ANO10: variants seen among roughly 807,000 people sequenced by gnomAD.
ANO10 encodes anoctamin-10.
ANO10 carries 77 observed loss-of-function variants against 74.7 expected under a neutral mutation model. The ratio of observed to expected loss-of-function variants is 1.03; its 90% CI spans 0.86 to 1.25. The LOEUF (loss-of-function observed/expected upper bound fraction) is 1.25. Among genes scored for constraint, ANO10 ranks in the 50% most tolerant of loss-of-function variants. ANO10 has a pLI of 0.00. For missense variants in ANO10, 721 were observed against 778.1 expected, an observed-to-expected ratio of 0.93 and a Z score of 0.87; for synonymous variants, 279 against 284.9, an observed-to-expected ratio of 0.98 and a Z score of 0.21.
At chr3:43,594,940 G>T (rs187549857) in intron 4 of ANO10, among the ~76,000 whole-genome samples, 1 of 152,116 alleles carries the variant, frequency 6.6e-6, no homozygotes, top group African/African-American at 2.4e-5. Context: ...TATCACCACC[G>T]ATCCCACAGA....
At chr3:43,625,879 C>T (rs914520734), upstream of ANO10, among the ~76,000 whole-genome samples, 1 of 151,494 alleles carries the variant, frequency 6.6e-6, no homozygotes, top group African/African-American at 2.4e-5. Context: ...TCTTTTACTA[C>T]GTACTACTTC....
At chr3:43,545,522 T>A (rs2079150749) in intron 11 of ANO10, among the ~76,000 whole-genome samples, 1 of 152,066 alleles carries the variant, frequency 6.6e-6, no homozygotes, top group Admixed American at 6.5e-5. Context: ...CGCACCACCA[T>A]GCCCGGCTAA....
At chr3:43,485,239 C>CAT (rs1485549007) in intron 11 of ANO10, 13 of 648,214 alleles carry the variant, frequency 2.0e-5, no homozygotes, top group Admixed American at 9.3e-5. Flanking sequence ...CTCCGGGAGT[C>CAT]ATAGTGAGAG....
At chr3:43,460,881 G>A (rs2075347669) in intron 11 of ANO10, among the ~76,000 whole-genome samples, 2 of 151,760 alleles carry the variant, frequency 1.3e-5, no homozygotes, top group Non-Finnish European at 2.9e-5. Context: ...ACAATTGAAA[G>A]CCAGAAAGAG....
intron 11 of ANO10, among the ~76,000 whole-genome samples, chr3:43,483,858 T>C (rs1195118707): frequency 6.6e-6 from 1 of 152,158 alleles, no homozygotes; most frequent in Non-Finnish European, 1.5e-5. Context: ...TGATTAGCAA[T>C]TGGTTGAAAG....
intron 1 of ANO10, among the ~76,000 whole-genome samples, chr3:43,645,505 A>T (rs1057417415): frequency 3.3e-5 from 5 of 151,720 alleles, no homozygotes; most frequent in African/African-American, 1.2e-4. Flanking sequence ...AAAAAAAAAA[A>T]TTTAAGGTTG....
chr3:43,573,820 T>C (rs1905181), intron 7 of ANO10, among the ~76,000 whole-genome samples: 16,292 of 152,274 alleles, frequency 0.11, 1,485 homozygotes, highest in African/African-American at 0.24. Context: ...AAAAAATTTT[T>C]TTTAATGTAA....
At chr3:43,493,558 A>G (rs1054358139) in intron 11 of ANO10, among the ~76,000 whole-genome samples, 1 of 152,202 alleles carries the variant, frequency 6.6e-6, no homozygotes, top group Non-Finnish European at 1.5e-5. Flanking sequence ...ACAAAAAAGG[A>G]CCATTAGCTC....
At chr3:43,676,295 CAA>C (rs1165646549) in intron 1 of ANO10, among the ~76,000 whole-genome samples, 1 of 142,232 alleles carries the variant, frequency 7.0e-6, no homozygotes, top group Non-Finnish European at 1.5e-5. Flanking sequence ...CCTGTATGTA[CAA>C]AAAAAAGAAA....
chr3:43,600,767 T>C (rs1027470587), intron 2 of ANO10, among the ~76,000 whole-genome samples, 186 bp from the exon 3 acceptor site: 13 of 152,254 alleles, frequency 8.5e-5, no homozygotes, highest in African/African-American at 3.1e-4. Flanking sequence ...AGTTTTTCAA[T>C]AAATGGAAAA....
intron 3 of ANO10, among the ~76,000 whole-genome samples, chr3:43,599,480 TTTC>T (rs1477895283): frequency 2.0e-5 from 3 of 152,204 alleles, no homozygotes; most frequent in Non-Finnish European, 4.4e-5. Context: ...TACTACTGTA[TTTC>T]TTATTATTAT....
chr3:43,395,603 G>C (rs767709941), intron 12 of ANO10, among the ~76,000 whole-genome samples: 6 of 152,070 alleles, frequency 3.9e-5, no homozygotes, highest in Non-Finnish European at 7.4e-5. Context: ...CATGTGTGAG[G>C]TTATCACCGA....
At chr3:43,404,038 A>T (rs536834259) in intron 12 of ANO10, among the ~76,000 whole-genome samples, 1 of 152,192 alleles carries the variant, frequency 6.6e-6, no homozygotes, top group Non-Finnish European at 1.5e-5. Flanking sequence ...TTATATGACA[A>T]GGGTGAAGAG....
At chr3:43,541,849 C>T (rs2078971289) in intron 11 of ANO10, among the ~76,000 whole-genome samples, 2 of 152,152 alleles carry the variant, frequency 1.3e-5, no homozygotes, top group African/African-American at 2.4e-5. Context: ...GTGACTTTCA[C>T]AAAGGGTCCT....
At chr3:43,581,129 G>A (rs1322798815) in intron 4 of ANO10, among the ~76,000 whole-genome samples, 2 of 152,116 alleles carry the variant, frequency 1.3e-5, no homozygotes, top group Non-Finnish European at 2.9e-5. Context: ...TTTAATATTT[G>A]ATACATATTA....
At chr3:43,594,957 A>T (rs1283363616) in intron 4 of ANO10, among the ~76,000 whole-genome samples, 4 of 152,338 alleles carry the variant, frequency 2.6e-5, no homozygotes, top group Non-Finnish European at 4.4e-5. Context: ...CAGAAATACA[A>T]ATTACCATCA....
chr3:43,440,417 A>G (rs992728311), intron 11 of ANO10, among the ~76,000 whole-genome samples: 1 of 152,192 alleles, frequency 6.6e-6, no homozygotes, highest in African/African-American at 2.4e-5. Context: ...CTTACATCAG[A>G]CAAAATAGAC....
At chr3:43,674,974 TC>T (rs2084104465) in intron 1 of ANO10, among the ~76,000 whole-genome samples, 1 of 152,194 alleles carries the variant, frequency 6.6e-6, no homozygotes, top group Non-Finnish European at 1.5e-5. Context: ...GGGCAATAAA[TC>T]CTTCCTTGAA....
chr3:43,562,872 AG>A, intron 8 of ANO10, among the ~76,000 whole-genome samples: 1 of 152,290 alleles, frequency 6.6e-6, no homozygotes, highest in East Asian at 1.9e-4. Flanking sequence ...AAGAAAACAT[AG>A]GGGAAATACT....
Sources: allele counts gnomAD v4.1 joint callset (sites outside exome capture counted in the v4.1 genomes callset), GRCh38; gene constraint gnomAD v4.1.1; transcripts MANE v1.5; gene names NCBI Gene and HGNC (gene_info 2026-07-23, HGNC 2026-07-21).